Variants in TBC1D30 observed in about 807,000 individuals in gnomAD.
TBC1D30 encodes TBC1 domain family member 30, also known as TBC1 domain family, member 30.
A neutral mutation model predicts 63.2 loss-of-function variants in TBC1D30; 31 were observed. The observed-to-expected ratio is 0.49, with a 90% confidence interval of 0.37 to 0.66. The LOEUF (loss-of-function observed/expected upper bound fraction) is 0.66. TBC1D30 is among the 30% of genes least tolerant of loss of function. The pLI is 0.00. For synonymous variants in TBC1D30, 307 were observed against 361.5 expected, an observed-to-expected ratio of 0.85 and a Z score of 1.71; for missense variants, 810 against 953.6, an observed-to-expected ratio of 0.85 and a Z score of 1.98.
intron 2 of TBC1D30, among the ~76,000 whole-genome samples, chr12:64,808,680 A>G (rs1463343524): frequency 6.6e-6 from 1 of 152,196 alleles, no homozygotes; most frequent in Non-Finnish European, 1.5e-5. Flanking sequence ...CATCACCACC[A>G]GAACTCTTTT....
At chr12:64,799,284 C>A (rs1872469221) in intron 2 of TBC1D30, among the ~76,000 whole-genome samples, 1 of 152,152 alleles carries the variant, frequency 6.6e-6, no homozygotes, top group Non-Finnish European at 1.5e-5. Flanking sequence ...CCCGACCCCT[C>A]TGTGTTTCAG....
At chr12:64,812,753 ATT>A (rs113925138) in intron 2 of TBC1D30, among the ~76,000 whole-genome samples, 4 of 146,142 alleles carry the variant, frequency 2.7e-5, no homozygotes, top group Non-Finnish European at 3.0e-5. Context: ...TGAAAGATTG[ATT>A]TTTTTTTTTT....
At chr12:64,858,979 T>C (rs546323312) in intron 8 of TBC1D30, among the ~76,000 whole-genome samples, 7 of 152,194 alleles carry the variant, frequency 4.6e-5, no homozygotes, top group Non-Finnish European at 7.4e-5. Flanking sequence ...AGGGAATTCA[T>C]GTCTGGTTTT....
At chr12:64,781,100 G>A (rs1035669644) in exon 1 of TBC1D30, 148 of 1,004,114 alleles carry the variant, frequency 1.5e-4, no homozygotes, top group Non-Finnish European at 1.6e-4. Context: ...GGAGGAGGAG[G>A]CGGCGGGCGG....
At chr12:64,839,953 C>T (rs964744156) in intron 7 of TBC1D30, among the ~76,000 whole-genome samples, 2 of 137,322 alleles carry the variant, frequency 1.5e-5, no homozygotes, top group African/African-American at 5.8e-5. Context: ...TGCAGTGAGC[C>T]GAGATCGTGC....
intron 2 of TBC1D30, among the ~76,000 whole-genome samples, chr12:64,797,494 C>T (rs1207461675): frequency 6.6e-6 from 1 of 152,192 alleles, no homozygotes; most frequent in Non-Finnish European, 1.5e-5. Flanking sequence ...CAAGTCTCTG[C>T]ACATTCTGTC....
intron 2 of TBC1D30, among the ~76,000 whole-genome samples, chr12:64,819,122 T>TA (rs1480041051): frequency 6.6e-6 from 1 of 152,234 alleles, no homozygotes; most frequent in Non-Finnish European, 1.5e-5. Context: ...CCATGCTTGA[T>TA]AGAGTCCTTT....
In TBC1D30 at chr12:64,878,612, A is replaced by G. The variant is rs559201949; in HGVS notation, c.*2824A>G. 12 of 449,714 alleles carry G rather than the reference A, an allele frequency of 2.7e-5. No individual in the cohort carries two copies. The highest frequency in any genetic ancestry group is 1.7e-4 in the South Asian group (11 of 63,866). 27.9% of individuals were successfully genotyped at this position (449,714 alleles called of 1,614,324 possible). ...TTGTATTGATCACAAAGCTATATGC[A>G]TAAAGATTCTCATTGTTGTAACTGT... On this transcript the variant is annotated 3_prime_UTR_variant, in exon 12 of 12. Coordinates refer to ENST00000539867, the MANE Select transcript of TBC1D30 (RefSeq NM_015279.2).
rs1199949462 is a variant in TBC1D30 at position 64,770,299 on chromosome 12, T to C, written c.-376+10650T>C. ...GCTTTGTTTTTTTTTTTGGTAACAA[T>C]TTACTGACAGTGTGTACTGCCTGAA... is the stretch of plus-strand genomic sequence containing the variant. On this transcript the variant is annotated intron_variant, in intron 1 of 13. Transcript: ENST00000674237. Among the ~76,000 whole-genome samples, 4 of 152,158 alleles carry C rather than the reference T, an allele frequency of 2.6e-5. No homozygotes were observed. In the East Asian group the frequency reaches 7.7e-4, roughly 29 times the overall value.
chr12:64,830,334 A>G, intron 3 of TBC1D30, 43 bp from the exon 4 acceptor site: 2 of 1,485,510 alleles, frequency 1.3e-6, no homozygotes, highest in South Asian at 1.3e-5. Flanking sequence ...GTGAAGTTAT[A>G]TATTCTACTT....
In TBC1D30 at chr12:64,814,766, G is replaced by A. The variant is rs181299776; in HGVS notation, c.644-13069G>A. The stretch of plus-strand genomic sequence containing the variant: ...GTTTCTAAAAGAGAAGGAGAACATA[G>A]AAAGTGTATATATTAAGAGCTGTCT... On this transcript the variant is annotated intron_variant, in intron 2 of 12. Transcript: ENST00000542120. Among the ~76,000 whole-genome samples, 63 of 152,326 alleles carry A rather than the reference G, an allele frequency of 4.1e-4. 2 individuals are homozygous for A. The highest frequency in any genetic ancestry group is 3.5e-3 in the Admixed American group (54 of 15,300).
chr12:64,811,232 A>G (rs1873203125), intron 2 of TBC1D30, among the ~76,000 whole-genome samples: 1 of 152,188 alleles, frequency 6.6e-6, no homozygotes, highest in South Asian at 2.1e-4. Context: ...AAGCATTTTA[A>G]AAAAGTCTTT....
Position 64,828,517 on chromosome 12 carries a change from G to A in TBC1D30, c.282+8G>A. On this transcript the variant is annotated splice_region_variant and intron_variant, in intron 3 of 11. Transcript: ENST00000539867. ...AAGGAATGGAGGAGAAAGGTAAGGA[G>A]GACTCATAGGGCTAGAATACAGAAG... 3 of 1,527,856 alleles carry A rather than the reference G, an allele frequency of 2.0e-6. No homozygotes were observed. Among genetic ancestry groups the A allele is most frequent in the Non-Finnish European group, 2.6e-6 (3 of 1,139,582 alleles). 94.6% of individuals were successfully genotyped at this position (1,527,856 alleles called of 1,614,324 possible).
rs2291644 is a variant in TBC1D30 at position 64,785,996 on chromosome 12, G to A, written c.594G>A (p.Arg198=). Residue 198 remains arginine (R), a synonymous_variant, in exon 2 of 13, where the codon AGG becomes AGA. Coordinates refer to the TBC1D30 transcript ENST00000542120. ...ATAGGCTTCTGCATAAAGTGCAGAG[G>A]AACTGTGATATTGTGACTGCCTGCT... 262 of 1,289,806 alleles carry A rather than the reference G, an allele frequency of 2.0e-4. 1 individual carries two copies. In the East Asian group the frequency reaches 7.7e-3, roughly 38 times the overall value. 79.9% of individuals were successfully genotyped at this position (1,289,806 alleles called of 1,614,324 possible). A position where few individuals can be genotyped will look rare whatever the true frequency, so the allele number is the denominator to read the frequency against.
intron 1 of TBC1D30, among the ~76,000 whole-genome samples, chr12:64,827,530 A>C (rs1229120846): frequency 6.6e-6 from 1 of 152,206 alleles, no homozygotes; most frequent in Non-Finnish European, 1.5e-5. Context: ...ACCAAGTCGA[A>C]TGGAGGACTG....
chr12:64,873,556 A>G (rs777733548), intron 11 of TBC1D30, among the ~76,000 whole-genome samples: 7 of 151,980 alleles, frequency 4.6e-5, no homozygotes, highest in Non-Finnish European at 8.8e-5. Flanking sequence ...AAGACACATG[A>G]GGGGTTGTGA....
chr12:64,879,201 C>G lies in TBC1D30; in HGVS notation c.*3413C>G, dbSNP rs936206155. 3.3e-5 allele frequency: 5 copies of G among 152,160 alleles called. No individual in the cohort carries two copies. Among genetic ancestry groups the G allele is most frequent in the African/African-American group, 1.2e-4 (5 of 41,446 alleles). 9.4% of individuals were successfully genotyped at this position (152,160 alleles called of 1,614,324 possible). ...TGTGTATGTGTGTACACGCCATTAT[C>G]TACAAAAAAGTTATGTTGAACATGG... On this transcript the variant is annotated 3_prime_UTR_variant, in exon 12 of 12. Coordinates refer to ENST00000539867, the MANE Select transcript of TBC1D30 (RefSeq NM_015279.2).
intron 2 of TBC1D30, among the ~76,000 whole-genome samples, chr12:64,814,947 A>G (rs1460933709): frequency 6.6e-6 from 1 of 152,216 alleles, no homozygotes; most frequent in African/African-American, 2.4e-5. Flanking sequence ...CAGATATGCT[A>G]CCTTTTGAAA....
intron 2 of TBC1D30, among the ~76,000 whole-genome samples, chr12:64,790,980 A>C (rs1043895938): frequency 1.3e-5 from 2 of 152,252 alleles, no homozygotes; most frequent in Non-Finnish European, 2.9e-5. Context: ...AAAAACTTGT[A>C]CAAAAATGTT....
Sources: gnomAD v4.1 joint callset for allele counts (sites outside exome capture counted in the v4.1 genomes callset) on GRCh38, gnomAD v4.1.1 for gene constraint, MANE v1.5 for transcripts, NCBI Gene and HGNC (gene_info 2026-07-23, HGNC 2026-07-21) for gene names.